The following CYP11A1 variants were observed in gnomAD, a reference collection of about 807,000 sequenced individuals.
CYP11A1 encodes cholesterol side-chain cleavage enzyme, mitochondrial.
Under a neutral mutation model 51.9 loss-of-function variants are expected in CYP11A1, and 25 were observed. That is an observed-to-expected ratio of 0.48 (90% CI 0.35 to 0.67). CYP11A1 has a LOEUF of 0.67. Ranked by LOEUF, CYP11A1 falls within the 30% of genes least tolerant of loss-of-function variation. The probability of loss-of-function intolerance (pLI) is 0.00; values close to 1 mark genes in which losing one functional copy is unlikely to be tolerated. For synonymous variants in CYP11A1, 245 were observed against 262.1 expected, an observed-to-expected ratio of 0.93 and a Z score of 0.63; for missense variants, 578 against 680.9, an observed-to-expected ratio of 0.85 and a Z score of 1.68.
chr15:74,348,126 GC>G (rs1449068994), intron 1 of CYP11A1, 71 bp from the exon 2 acceptor site: 47 of 1,555,640 alleles, frequency 3.0e-5, no homozygotes, highest in Non-Finnish European at 4.0e-5. Flanking sequence ...CAGCACAGCT[GC>G]CTCACAGTTC....
At chr15:74,339,040 C>G (rs1365868683) in intron 7 of CYP11A1, among the ~76,000 whole-genome samples, 197 bp downstream of exon 7, 1 of 152,202 alleles carries the variant, frequency 6.6e-6, no homozygotes, top group African/African-American at 2.4e-5. Flanking sequence ...ATCATGAAGT[C>G]TCCCTCCTAA....
At chr15:74,354,550 T>TGA (rs1288636758) in intron 1 of CYP11A1, 1 of 153,660 alleles carries the variant, frequency 6.5e-6, no homozygotes, top group Non-Finnish European at 1.4e-5. Context: ...TTTGGTGCCA[T>TGA]GACTCGGATC....
At chr15:74,347,459 C>G (rs1218905158) in intron 2 of CYP11A1, among the ~76,000 whole-genome samples, 3 of 152,134 alleles carry the variant, frequency 2.0e-5, no homozygotes, top group African/African-American at 2.4e-5. Context: ...ATCCACTACA[C>G]TTAAATACAC....
At chr15:74,349,271 A>C (rs1294243802) in intron 1 of CYP11A1, among the ~76,000 whole-genome samples, 1 of 152,218 alleles carries the variant, frequency 6.6e-6, no homozygotes, top group East Asian at 1.9e-4. Flanking sequence ...CTACTAAAAA[A>C]CAACAGAAAA....
chr15:74,347,814 G>A, intron 2 of CYP11A1, 86 bp downstream of exon 2: 2 of 1,458,564 alleles, frequency 1.4e-6, no homozygotes, highest in African/African-American at 1.4e-5. Context: ...GGCAAGCCTG[G>A]CCTCAGCCCC....
chr15:74,360,124 T>C (rs1266449904), intron 1 of CYP11A1, among the ~76,000 whole-genome samples: 1 of 152,238 alleles, frequency 6.6e-6, no homozygotes, highest in South Asian at 2.1e-4. Context: ...CTAAATCCTT[T>C]AACATCATAA....
At chr15:74,362,883 T>G (rs1168373145) in intron 1 of CYP11A1, 1 of 152,186 alleles carries the variant, frequency 6.6e-6, no homozygotes, top group Non-Finnish European at 1.5e-5. Context: ...TGTAAGAAAC[T>G]TTAATGGTAG....
intron 1 of CYP11A1, chr15:74,365,624 A>G: frequency 1.1e-6 from 1 of 947,260 alleles, no homozygotes; most frequent in Non-Finnish European, 1.3e-6. Flanking sequence ...AGGCCTGGGA[A>G]CTAGGAATAC....
Position 74,338,118 on chromosome 15 carries a change from T to C in CYP11A1, c.1435-15A>G, listed in dbSNP as rs758326670. The C allele has an allele frequency of 9.3e-6, 15 of 1,613,960 alleles. No homozygotes were observed. In the South Asian group the frequency reaches 1.4e-4, roughly 15 times the overall value. ...TTCTCCAGCATCTGAGAAAGGCAGA[T>C]GGTAGGTTTAGGGGAGGGCAGGGGA... On this transcript the variant is annotated splice_polypyrimidine_tract_variant and intron_variant, in intron 8 of 8. Coordinates refer to ENST00000268053, the MANE Select transcript of CYP11A1 (RefSeq NM_000781.3).
chr15:74,357,606 C>G (rs1410630609), intron 1 of CYP11A1, among the ~76,000 whole-genome samples: 3 of 152,136 alleles, frequency 2.0e-5, no homozygotes, highest in African/African-American at 7.2e-5. Context: ...TAAAAACAGC[C>G]CTAGAAGCTG....
intron 1 of CYP11A1, among the ~76,000 whole-genome samples, chr15:74,360,319 C>A (rs572326047): frequency 6.6e-6 from 1 of 151,920 alleles, no homozygotes; most frequent in Non-Finnish European, 1.5e-5. Flanking sequence ...CTCACTCTGT[C>A]CCCCAGGCTG....
At chr15:74,365,598 G>A in intron 1 of CYP11A1, 1 of 833,436 alleles carries the variant, frequency 1.2e-6, no homozygotes, top group Non-Finnish European at 1.4e-6. Context: ...TGGGATCTGG[G>A]GAAGGTTGAG....
chr15:74,361,944 T>C, intron 1 of CYP11A1: 1 of 1,170,032 alleles, frequency 8.5e-7, no homozygotes, highest in Non-Finnish European at 1.3e-6. Flanking sequence ...TTTGGCAAGG[T>C]GAAAGAAGGC....
chr15:74,355,387 A>T (rs60289450), intron 1 of CYP11A1, among the ~76,000 whole-genome samples: 3,329 of 152,238 alleles, frequency 0.022, 87 homozygotes, highest in African/African-American at 0.066. Flanking sequence ...GGTCTGAGGT[A>T]CCTGACACCC....
chr15:74,343,563 C>T (rs1469239140), intron 4 of CYP11A1, among the ~76,000 whole-genome samples: 1 of 152,218 alleles, frequency 6.6e-6, no homozygotes, highest in Non-Finnish European at 1.5e-5. Flanking sequence ...AAGAAGATCA[C>T]AGATGTCTTT....
At chr15:74,342,055 C>A (rs191173308) in intron 5 of CYP11A1, among the ~76,000 whole-genome samples, 3 of 152,196 alleles carry the variant, frequency 2.0e-5, no homozygotes, top group Non-Finnish European at 2.9e-5. Flanking sequence ...TACACCCCTC[C>A]CCTCTGAGCC....
chr15:74,361,130 C>G (rs1187572942), intron 1 of CYP11A1, among the ~76,000 whole-genome samples: 3 of 152,136 alleles, frequency 2.0e-5, no homozygotes, highest in Non-Finnish European at 2.9e-5. Context: ...AATTGTCTTT[C>G]CTAATGCCTG....
At chr15:74,354,908 CG>C (rs1488637729) in intron 1 of CYP11A1, among the ~76,000 whole-genome samples, 2 of 152,116 alleles carry the variant, frequency 1.3e-5, no homozygotes, top group African/African-American at 4.8e-5. Flanking sequence ...TTAATCACTG[CG>C]GGGATGCCTG....
chr15:74,365,701 C>G, intron 1 of CYP11A1: 7 of 985,524 alleles, frequency 7.1e-6, no homozygotes, highest in Non-Finnish European at 8.4e-6. Flanking sequence ...AGAGGTCCGG[C>G]CGCGCGGACG....
Sources: gnomAD v4.1 joint callset for allele counts (sites outside exome capture counted in the v4.1 genomes callset) on GRCh38, gnomAD v4.1.1 for gene constraint, MANE v1.5 for transcripts, NCBI Gene and HGNC (gene_info 2026-07-23, HGNC 2026-07-21) for gene names.